CCSER1: variants seen among roughly 807,000 people sequenced by gnomAD.
The protein encoded by CCSER1 is coiled-coil serine rich protein 1.
Under a neutral mutation model 82.0 loss-of-function variants are expected in CCSER1, and 41 were observed. The ratio of observed to expected loss-of-function variants is 0.50; its 90% CI spans 0.39 to 0.65. The LOEUF (loss-of-function observed/expected upper bound fraction) is 0.65. Ranked by LOEUF, CCSER1 falls within the 30% of genes least tolerant of loss-of-function variation. CCSER1 has a pLI of 0.00. For missense variants in CCSER1, 1,119 were observed against 1,064.2 expected (o/e 1.05, Z -0.72); for synonymous variants, 414 against 383.9 (o/e 1.08, Z -0.92).
rs1720807614 is a variant in CCSER1, at chr4:90,614,318, A to G, written c.1725-13707A>G. On this transcript the variant is annotated intron_variant, in intron 5 of 10. Transcript: ENST00000509176. Reference sequence around the variant, plus strand: ...TATTCCCTAAGACACAACAATATTGAAATTAGATCAATTCTACAATGCCCT... The same window carrying G: ...TATTCCCTAAGACACAACAATATTGGAATTAGATCAATTCTACAATGCCCT... Among the ~76,000 whole-genome samples the G allele has an allele frequency of 2.0e-5, 3 of 152,096 alleles. No individual in the cohort carries two copies. The South Asian group carries it at 6.2e-4, about 31-fold the overall frequency.
chr4:91,560,842 C>T (rs1762621864), intron 10 of CCSER1, among the ~76,000 whole-genome samples: 1 of 151,080 alleles, frequency 6.6e-6, no homozygotes, highest in Non-Finnish European at 1.5e-5. Context: ...TTATAAAGAA[C>T]AACATATTGT....
chr4:90,665,317 A>G (rs1180026515), intron 6 of CCSER1, among the ~76,000 whole-genome samples: 1 of 141,606 alleles, frequency 7.1e-6, no homozygotes, highest in East Asian at 2.0e-4. Context: ...ACATATGCTG[A>G]GATTTTTTTT....
intron 10 of CCSER1, among the ~76,000 whole-genome samples, chr4:91,451,917 G>C (rs1351086633): frequency 6.6e-6 from 1 of 151,966 alleles, no homozygotes; most frequent in Non-Finnish European, 1.5e-5. Context: ...CCTGGGTTGA[G>C]CTGGTCCAAT....
intron 5 of CCSER1, among the ~76,000 whole-genome samples, chr4:90,551,706 C>CTCTATATATATATATA: frequency 3.6e-4 from 38 of 104,234 alleles, no homozygotes; most frequent in African/African-American, 1.0e-3. Context: ...CTCTCTCTCT[C>CTCTATATATATATATA]TATATATATA....
At chr4:90,550,779 C>T (rs1194678135) in intron 5 of CCSER1, among the ~76,000 whole-genome samples, 1 of 151,718 alleles carries the variant, frequency 6.6e-6, no homozygotes, top group Non-Finnish European at 1.5e-5. Context: ...GTCAAGTATA[C>T]TTTAATAATG....
chr4:90,630,461 G>T lies in CCSER1; in HGVS notation c.1932+2229G>T, dbSNP rs1049351605. Among the ~76,000 whole-genome samples the T allele has an allele frequency of 2.0e-5, 3 of 152,126 alleles. No homozygotes were observed. The East Asian group carries it at 5.8e-4, about 29-fold the overall frequency. On this transcript the variant is annotated intron_variant, in intron 6 of 10. Coordinates refer to ENST00000509176, the MANE Select transcript of CCSER1 (RefSeq NM_001145065.2). ...GTCAATATTCAGAATATATTTAGAT[G>T]GTTTCTATACTGCCACCTGGTTTTC...
At chr4:90,272,726 C>G (rs1371158851) in intron 1 of CCSER1, among the ~76,000 whole-genome samples, 4 of 152,018 alleles carry the variant, frequency 2.6e-5, no homozygotes, top group African/African-American at 9.7e-5. Context: ...ACTATTCAGC[C>G]ATAAAATGGC....
chr4:90,304,351 A>G (rs1392043995), intron 1 of CCSER1, among the ~76,000 whole-genome samples: 2 of 152,236 alleles, frequency 1.3e-5, no homozygotes, highest in African/African-American at 2.4e-5. Context: ...ATGCACACGT[A>G]TGTTTATTGC....
chr4:90,532,847 C>G (rs759530735), intron 5 of CCSER1, among the ~76,000 whole-genome samples: 12 of 152,152 alleles, frequency 7.9e-5, no homozygotes, highest in African/African-American at 1.4e-4. Flanking sequence ...GCTTCCTCCT[C>G]TACTTCTCCC....
At chr4:90,696,973 G>A (rs1706997084) in intron 6 of CCSER1, among the ~76,000 whole-genome samples, 1 of 152,200 alleles carries the variant, frequency 6.6e-6, no homozygotes, top group Admixed American at 6.6e-5. Context: ...GGGCTGCACA[G>A]TGGTGGAAGG....
intron 10 of CCSER1, among the ~76,000 whole-genome samples, chr4:91,311,152 T>TA (rs1219348555): frequency 6.6e-6 from 1 of 151,954 alleles, no homozygotes; most frequent in Admixed American, 6.6e-5. Context: ...TGACATATGT[T>TA]AAAATCTTGT....
chr4:90,910,581 A>T (rs1308353807), intron 8 of CCSER1, among the ~76,000 whole-genome samples: 2 of 152,212 alleles, frequency 1.3e-5, no homozygotes, highest in Admixed American at 1.3e-4. Context: ...TTTCTTGTAA[A>T]AATCACCTGC....
chr4:91,170,339 G>A (rs1027208833), intron 10 of CCSER1, among the ~76,000 whole-genome samples: 4 of 152,094 alleles, frequency 2.6e-5, no homozygotes, highest in Non-Finnish European at 5.9e-5. Context: ...ATCATGCACT[G>A]TATACAAATC....
intron 10 of CCSER1, among the ~76,000 whole-genome samples, chr4:91,109,432 A>C (rs1258329423): frequency 1.3e-5 from 2 of 151,984 alleles, no homozygotes; most frequent in Non-Finnish European, 2.9e-5. Flanking sequence ...TATTAGCCCT[A>C]GTATATTTTC....
chr4:90,668,541 C>T (rs1732213327), intron 6 of CCSER1, among the ~76,000 whole-genome samples: 1 of 151,948 alleles, frequency 6.6e-6, no homozygotes, highest in Non-Finnish European at 1.5e-5. Context: ...ATTCAAAATG[C>T]ATCAGAGTAT....
chr4:90,322,755 C>T (rs1226180442), intron 3 of CCSER1, among the ~76,000 whole-genome samples: 1 of 152,106 alleles, frequency 6.6e-6, no homozygotes, highest in African/African-American at 2.4e-5. Flanking sequence ...CTCTTTTTCT[C>T]TTCCTTCACT....
chr4:90,142,489 TGGAA>T (rs1485487236), intron 1 of CCSER1, among the ~76,000 whole-genome samples: 2 of 152,224 alleles, frequency 1.3e-5, no homozygotes, highest in African/African-American at 4.8e-5. Context: ...TAGTAAAATG[TGGAA>T]GTTCTTTCAT....
intron 10 of CCSER1, among the ~76,000 whole-genome samples, chr4:91,336,815 T>C (rs2149282758): frequency 6.6e-6 from 1 of 152,218 alleles, no homozygotes; most frequent in Non-Finnish European, 1.5e-5. Flanking sequence ...AATGTTAAAC[T>C]TTACTGACCT....
Position 91,295,393 on chromosome 4 carries a change from G to A in CCSER1, c.2217+209399G>A, listed in dbSNP as rs568416027. ...GAAATACAGTATTGTTTGTAAAGAG[G>A]CAAAATTTTTACTACAGTTAGTCTC... is the stretch of plus-strand genomic sequence containing the variant. On this transcript the variant is annotated intron_variant, in intron 10 of 10. Transcript: ENST00000509176. Among the ~76,000 whole-genome samples the A allele has an allele frequency of 2.7e-3, 407 of 151,808 alleles. 7 individuals carry two copies. The highest frequency in any genetic ancestry group is 9.5e-3 in the African/African-American group (395 of 41,484).
Sources: allele counts gnomAD v4.1 joint callset (sites outside exome capture counted in the v4.1 genomes callset), GRCh38; gene constraint gnomAD v4.1.1; transcripts MANE v1.5; gene names NCBI Gene and HGNC (gene_info 2026-07-23, HGNC 2026-07-21).